Variants in KLHL1 observed in about 807,000 individuals in gnomAD.
The protein encoded by KLHL1 is kelch-like protein 1.
KLHL1 carries 47 observed loss-of-function variants against 77.7 expected under a neutral mutation model. That is an observed-to-expected ratio of 0.60 (90% CI 0.48 to 0.77). The LOEUF (loss-of-function observed/expected upper bound fraction) is 0.77, where lower values mean the gene tolerates loss of function less well. Among genes scored for constraint, KLHL1 ranks in the 30% least tolerant of loss-of-function variants. The pLI, the probability that KLHL1 is intolerant of heterozygous loss-of-function variation, is 0.00. For synonymous variants in KLHL1, 360 were observed against 325.2 expected, an observed-to-expected ratio of 1.11 and a Z score of -1.15; for missense variants, 925 against 910.8, an observed-to-expected ratio of 1.02 and a Z score of -0.20.
At chr13:70,079,888 C>T (rs1887352995) in intron 1 of KLHL1, among the ~76,000 whole-genome samples, 1 of 152,094 alleles carries the variant, frequency 6.6e-6, no homozygotes, top group African/African-American at 2.4e-5. Context: ...TTATTTTACT[C>T]CTTGGAAGTG....
chr13:70,054,432 T>G (rs1283154134), intron 1 of KLHL1, among the ~76,000 whole-genome samples: 1 of 152,116 alleles, frequency 6.6e-6, no homozygotes, highest in Non-Finnish European at 1.5e-5. Flanking sequence ...GTTAAATTTT[T>G]ATTGCATTAT....
chr13:69,765,503 A>G (rs1875256755), intron 7 of KLHL1, among the ~76,000 whole-genome samples: 1 of 152,132 alleles, frequency 6.6e-6, no homozygotes. Context: ...AGTCAATACT[A>G]GGTAATATTA....
chr13:70,079,477 G>T (rs1887342794), intron 1 of KLHL1, among the ~76,000 whole-genome samples: 1 of 151,958 alleles, frequency 6.6e-6, no homozygotes, highest in African/African-American at 2.4e-5. Context: ...ATTTTATAAT[G>T]TCTCAAAAAT....
intron 1 of KLHL1, among the ~76,000 whole-genome samples, chr13:70,053,682 T>C (rs1415626919): frequency 2.6e-5 from 4 of 152,124 alleles, no homozygotes; most frequent in African/African-American, 7.2e-5. Flanking sequence ...GTACCAAATA[T>C]GTTTTTAGAC....
intron 9 of KLHL1, among the ~76,000 whole-genome samples, chr13:69,718,835 C>T (rs1035976233): frequency 6.6e-6 from 1 of 152,042 alleles, no homozygotes; most frequent in Non-Finnish European, 1.5e-5. Context: ...TTCCTTCTTA[C>T]ACCAGAATTA....
In KLHL1 at chr13:69,749,649, A is replaced by T. The variant is rs371819774; in HGVS notation, c.1640-9093T>A. On this transcript the variant is annotated intron_variant, in intron 7 of 10. Transcript: ENST00000377844. ...TATGGGTTATAGAACACATAACTAT[A>T]TCCAATGAAGATGTTGGCCTTCGAA... is the stretch of plus-strand genomic sequence containing the variant. Among the ~76,000 whole-genome samples, 14 of 152,106 alleles carry T rather than the reference A, an allele frequency of 9.2e-5. No homozygotes were observed. The South Asian group carries it at 2.7e-3, about 29-fold the overall frequency.
intron 4 of KLHL1, among the ~76,000 whole-genome samples, chr13:69,919,062 G>C (rs1038748853): frequency 6.6e-6 from 1 of 152,154 alleles, no homozygotes; most frequent in Admixed American, 6.6e-5. Flanking sequence ...GAACTTTGAA[G>C]AAGTGGTCTA....
intron 5 of KLHL1, among the ~76,000 whole-genome samples, chr13:69,862,291 G>A (rs1029900052): frequency 1.3e-5 from 2 of 149,112 alleles, no homozygotes; most frequent in East Asian, 2.0e-4. Flanking sequence ...ACACACACAG[G>A]AGAAGAGAGA....
In KLHL1 at chr13:69,850,825, AC is replaced by A. The variant is rs1191327205; in HGVS notation, c.1228-11664del. On this transcript the variant is annotated intron_variant, in intron 5 of 10. Coordinates refer to ENST00000377844, the MANE Select transcript of KLHL1 (RefSeq NM_020866.3). ...CATTTGTCACTGTGCCTCCAGATCAACCTTCTACATTGTCAAGGCTGTTCTA... is the reference window on the plus strand; with the variant it reads ...CATTTGTCACTGTGCCTCCAGATCAACTTCTACATTGTCAAGGCTGTTCTA... Among the ~76,000 whole-genome samples the A allele has an allele frequency of 2.6e-5, 4 of 151,790 alleles. No homozygotes were observed. The East Asian group carries it at 7.8e-4, about 30-fold the overall frequency.
At chr13:69,833,573 A>T (rs1256886251) in intron 6 of KLHL1, among the ~76,000 whole-genome samples, 1 of 151,896 alleles carries the variant, frequency 6.6e-6, no homozygotes, top group Admixed American at 6.6e-5. Context: ...ATAAAACTAG[A>T]TCCACCACTG....
chr13:70,047,537 A>T (rs1886532648), intron 1 of KLHL1, among the ~76,000 whole-genome samples: 1 of 152,062 alleles, frequency 6.6e-6, no homozygotes, highest in South Asian at 2.1e-4. Flanking sequence ...CTCAATAATA[A>T]TGTAGACAAC....
Position 69,701,221 on chromosome 13 carries a change from G to A in KLHL1, c.*481C>T, listed in dbSNP as rs924620565. ...GTTTGTTTGAATAAAGCATAATTCT[G>A]CTTCCCGTTATGACCACATATGATT... On this transcript the variant is annotated 3_prime_UTR_variant, in exon 11 of 11. Transcript: ENST00000377844. The A allele has an allele frequency of 1.3e-5, 2 of 152,276 alleles. No homozygotes were observed. Among genetic ancestry groups the A allele is most frequent in the Non-Finnish European group, 2.9e-5 (2 of 67,960 alleles). The allele number at this position is 152,276 out of a possible 1,614,324, so 9.4% of individuals were successfully genotyped here.
chr13:69,797,881 T>C (rs1027053542), intron 6 of KLHL1, among the ~76,000 whole-genome samples: 1 of 151,832 alleles, frequency 6.6e-6, no homozygotes, highest in East Asian at 1.9e-4. Flanking sequence ...TATAAAATGA[T>C]CTTCTATCCT....
At chr13:69,721,336 A>G (rs1296675078) in intron 8 of KLHL1, among the ~76,000 whole-genome samples, 2 of 150,618 alleles carry the variant, frequency 1.3e-5, no homozygotes, top group South Asian at 2.1e-4. Flanking sequence ...GATGTCTCGT[A>G]TCTCCCTAAA....
At chr13:69,782,180 G>T (rs1266477313) in intron 7 of KLHL1, among the ~76,000 whole-genome samples, 1 of 152,182 alleles carries the variant, frequency 6.6e-6, no homozygotes, top group Non-Finnish European at 1.5e-5. Context: ...AGTATTGGCT[G>T]GGGAGTCAAG....
chr13:69,739,625 A>G (rs1873903742), intron 8 of KLHL1, among the ~76,000 whole-genome samples: 1 of 152,244 alleles, frequency 6.6e-6, no homozygotes, highest in South Asian at 2.1e-4. Flanking sequence ...TAGACTTTAA[A>G]TCAACAAAGA....
At chr13:69,918,072 A>G (rs1261523512) in intron 4 of KLHL1, among the ~76,000 whole-genome samples, 4 of 152,248 alleles carry the variant, frequency 2.6e-5, no homozygotes, top group Non-Finnish European at 4.4e-5. Flanking sequence ...TACATTCTCA[A>G]TAATAAATGT....
At position 69,796,879 on chromosome 13, in the gene KLHL1, C is replaced by G; in HGVS notation, c.1498G>C (p.Gly500Arg). The stretch of plus-strand genomic sequence containing the variant: ...AGTTTGTCATCAATAACAGCCACAC[C>G]AAACTGCAGCCTTCTGCCATTCATC... Reference protein sequence around the residue: ...GMMNGRRLQFGVAVIDDKLFV... With the variant: ...GMMNGRRLQFRVAVIDDKLFV... Residue 500 changes from glycine to arginine, a missense_variant, in exon 7 of 11, where the codon GGT (glycine) becomes CGT (arginine). Gly to Arg is a moderately radical substitution (Grantham distance 125). Coordinates refer to ENST00000377844, the MANE Select transcript of KLHL1 (RefSeq NM_020866.3). 1 of 1,614,106 alleles carries G rather than the reference C, an allele frequency of 6.2e-7. No individual in the cohort carries two copies. Among genetic ancestry groups the G allele is most frequent in the African/African-American group, 1.3e-5 (1 of 75,028 alleles).
At chr13:69,980,575 C>A (rs1264462210) in intron 1 of KLHL1, among the ~76,000 whole-genome samples, 1 of 152,130 alleles carries the variant, frequency 6.6e-6, no homozygotes, top group Non-Finnish European at 1.5e-5. Flanking sequence ...GTACCTGGAA[C>A]CTGCACAACA....
Sources: allele counts gnomAD v4.1 joint callset (sites outside exome capture counted in the v4.1 genomes callset), GRCh38; gene constraint gnomAD v4.1.1; transcripts MANE v1.5; gene names NCBI Gene and HGNC (gene_info 2026-07-23, HGNC 2026-07-21).